KDM5A: variants seen among roughly 807,000 people sequenced by gnomAD.
KDM5A encodes lysine-specific demethylase 5A.
In KDM5A, 42 loss-of-function variants were observed where a neutral mutation model predicts 193.5. The observed-to-expected ratio is 0.22, with a 90% CI of 0.17 to 0.28. KDM5A has a LOEUF of 0.28. Among genes scored for constraint, KDM5A ranks in the 10% least tolerant of loss-of-function variants. The pLI is 1.00. For missense variants in KDM5A, 1,692 were observed against 2,055.1 expected, an observed-to-expected ratio of 0.82 and a Z score of 3.42; for synonymous variants, 796 against 718.1, an observed-to-expected ratio of 1.11 and a Z score of -1.73.
chr12:344,159 G>T (rs530569791), intron 10 of KDM5A, among the ~76,000 whole-genome samples: 4 of 152,186 alleles, frequency 2.6e-5, no homozygotes, highest in South Asian at 4.2e-4. Flanking sequence ...TGGAAGAAAG[G>T]GTATCAGTGA....
Position 389,001 on chromosome 12 carries a change from C to T in KDM5A, c.91G>A (p.Asp31Asn). Reference protein sequence around the residue: ...VFEPSWEEFTDPLSFIGRIRP... With the variant: ...VFEPSWEEFTNPLSFIGRIRP... ...ATGCGGCCGATAAAGCTGAGCGGAT[C>T]TGTGAACTCCTCCCAACTCGGCTCA... Residue 31 changes from aspartate to asparagine, a missense_variant, in exon 1 of 28, where the codon GAT becomes AAT. Transcript: ENST00000399788. The T allele has an allele frequency of 6.2e-7, 1 of 1,612,854 alleles. No homozygotes were observed. Among genetic ancestry groups the T allele is most frequent in the Non-Finnish European group, 8.5e-7 (1 of 1,179,422 alleles).
chr12:299,028 C>T (rs561624941), intron 24 of KDM5A, among the ~76,000 whole-genome samples: 23 of 151,938 alleles, frequency 1.5e-4, no homozygotes, highest in Non-Finnish European at 2.8e-4. Context: ...ACGAAAAAAG[C>T]CTCCAATGCA....
intron 3 of KDM5A, among the ~76,000 whole-genome samples, chr12:368,731 G>C (rs889094096): frequency 6.6e-6 from 1 of 152,058 alleles, no homozygotes; most frequent in African/African-American, 2.4e-5. Flanking sequence ...CCTGTCTCAA[G>C]GAAAAAACAA....
chr12:351,995 T>G (rs1334763092), intron 9 of KDM5A, among the ~76,000 whole-genome samples: 1 of 149,234 alleles, frequency 6.7e-6, no homozygotes, highest in Non-Finnish European at 1.5e-5. Flanking sequence ...TCCCAGCTAC[T>G]CGGGAGGCTG....
chr12:321,397 T>C (rs1285268318), intron 17 of KDM5A, among the ~76,000 whole-genome samples: 5 of 152,252 alleles, frequency 3.3e-5, no homozygotes, highest in African/African-American at 1.2e-4. Context: ...AACTTAATCC[T>C]GTATCTCAAG....
chr12:334,125 T>A (rs1340165906), intron 11 of KDM5A, 116 bp downstream of exon 11: 1 of 972,674 alleles, frequency 1.0e-6, no homozygotes, highest in African/African-American at 1.6e-5. Flanking sequence ...AGGCTAGAAA[T>A]TATTGAAACC....
At chr12:289,253 A>G (rs1221698853) in intron 27 of KDM5A, among the ~76,000 whole-genome samples, 2 of 152,164 alleles carry the variant, frequency 1.3e-5, no homozygotes, top group African/African-American at 4.8e-5. Flanking sequence ...TACTACTTAA[A>G]TTAGTAGCCT....
rs1943438470 is a variant in KDM5A, at chr12:301,289, G to A, written c.4075-4089C>T. On this transcript the variant is annotated intron_variant, in intron 24 of 27. Transcript: ENST00000399788. The stretch of plus-strand genomic sequence containing the variant: ...ATGCAAAAATCCTCAATAAAATACT[G>A]GCAAACTGAATCCAGCAGTACATCA... 2.6e-5 allele frequency among the ~76,000 whole-genome samples: 4 copies of A among 152,244 alleles called. No homozygotes were observed. In the South Asian group the frequency reaches 8.3e-4, roughly 32 times the overall value.
chr12:353,474 AT>A (rs932206584), intron 8 of KDM5A, among the ~76,000 whole-genome samples: 3 of 152,180 alleles, frequency 2.0e-5, no homozygotes, highest in African/African-American at 4.8e-5. Flanking sequence ...GTTTTTCTTC[AT>A]TTTTATTGTT....
chr12:305,512 T>C (rs1384170631), intron 24 of KDM5A, among the ~76,000 whole-genome samples: 2 of 152,110 alleles, frequency 1.3e-5, no homozygotes, highest in Non-Finnish European at 1.5e-5. Context: ...AAATAAAAGA[T>C]AGTGAAGGGG....
At chr12:347,871 A>G (rs577761890) in intron 10 of KDM5A, among the ~76,000 whole-genome samples, 2 of 152,228 alleles carry the variant, frequency 1.3e-5, no homozygotes, top group African/African-American at 4.8e-5. Flanking sequence ...TTCATGACTA[A>G]AACACCAAAA....
At chr12:299,801 T>C (rs1360021952) in intron 24 of KDM5A, among the ~76,000 whole-genome samples, 2 of 151,978 alleles carry the variant, frequency 1.3e-5, no homozygotes, top group Admixed American at 1.3e-4. Flanking sequence ...GAGACCCATC[T>C]TACTCACAAA....
intron 3 of KDM5A, among the ~76,000 whole-genome samples, chr12:366,634 G>A (rs1004257501): frequency 2.0e-5 from 3 of 152,164 alleles, no homozygotes; most frequent in African/African-American, 7.2e-5. Flanking sequence ...AGATCATAAA[G>A]GAACACTGAA....
intron 24 of KDM5A, among the ~76,000 whole-genome samples, chr12:297,556 G>C (rs756935536): frequency 1.1e-4 from 17 of 152,142 alleles, no homozygotes; most frequent in Non-Finnish European, 2.4e-4. Flanking sequence ...AGACCCTAAA[G>C]CCTGATAAAG....
rs945392527 is a variant in KDM5A at position 347,399 on chromosome 12, T to C, written c.1308+3222A>G. Among the ~76,000 whole-genome samples, 21 of 152,238 alleles carry C rather than the reference T, an allele frequency of 1.4e-4. 1 individual carries two copies. Among genetic ancestry groups the C allele is most frequent in the African/African-American group, 2.6e-4 (11 of 41,540 alleles). On this transcript the variant is annotated intron_variant, in intron 10 of 27. Coordinates refer to ENST00000399788, the MANE Select transcript of KDM5A (RefSeq NM_001042603.3). Reference sequence around the variant, plus strand: ...CTACCAATGGACTTTCTTCACAGAATTGGAAAAAACTACTTTAAAGTTCAT... The same window carrying C: ...CTACCAATGGACTTTCTTCACAGAACTGGAAAAAACTACTTTAAAGTTCAT...
At chr12:372,169 A>T (rs149815746) in intron 3 of KDM5A, among the ~76,000 whole-genome samples, 3 of 152,204 alleles carry the variant, frequency 2.0e-5, no homozygotes, top group African/African-American at 2.4e-5. Flanking sequence ...GATGGCACTG[A>T]ATCTATAAAC....
At chr12:344,997 T>C (rs1028833458) in intron 10 of KDM5A, among the ~76,000 whole-genome samples, 1 of 152,056 alleles carries the variant, frequency 6.6e-6, no homozygotes, top group African/African-American at 2.4e-5. Flanking sequence ...TCAAGACCCA[T>C]CAGTGTGCCG....
At chr12:337,197 T>C (rs1186402240) in intron 10 of KDM5A, among the ~76,000 whole-genome samples, 3 of 152,208 alleles carry the variant, frequency 2.0e-5, no homozygotes, top group South Asian at 2.1e-4. Context: ...TCTGCCATAA[T>C]TGAAAGTTTC....
At chr12:319,783 C>G (rs1372843430) in intron 18 of KDM5A, among the ~76,000 whole-genome samples, 1 of 151,888 alleles carries the variant, frequency 6.6e-6, no homozygotes, top group South Asian at 2.1e-4. Context: ...AGAAAAAAAG[C>G]CTTTAAGATG....
Sources: gnomAD v4.1 joint callset for allele counts (sites outside exome capture counted in the v4.1 genomes callset) on GRCh38, gnomAD v4.1.1 for gene constraint, MANE v1.5 for transcripts, NCBI Gene and HGNC (gene_info 2026-07-23, HGNC 2026-07-21) for gene names.